The following GPC5 variants were observed in gnomAD, a reference collection of about 807,000 sequenced individuals.
GPC5 encodes glypican 5.
GPC5 carries 47 observed loss-of-function variants against 53.9 expected under a neutral mutation model. The observed-to-expected ratio is 0.87, with a 90% CI of 0.69 to 1.11. The LOEUF (loss-of-function observed/expected upper bound fraction) is 1.11, where lower values mean the gene tolerates loss of function less well. GPC5 is among the 50% of genes most tolerant of loss of function. The pLI is 0.00. For synonymous variants in GPC5, 286 were observed against 263.3 expected (o/e 1.09, Z -0.84); for missense variants, 748 against 713.1 (o/e 1.05, Z -0.56).
intron 5 of GPC5, among the ~76,000 whole-genome samples, chr13:91,789,469 A>G (rs965479335): frequency 2.6e-5 from 4 of 152,180 alleles, no homozygotes; most frequent in Non-Finnish European, 5.9e-5. Context: ...ATTTTTCCAT[A>G]TAATTGGAAC....
chr13:92,647,917 A>G (rs1885826339), intron 7 of GPC5, among the ~76,000 whole-genome samples: 1 of 152,132 alleles, frequency 6.6e-6, no homozygotes, highest in South Asian at 2.1e-4. Context: ...GGAAAACATG[A>G]CAAATCATGT....
intron 2 of GPC5, among the ~76,000 whole-genome samples, chr13:91,603,938 T>C (rs938859106): frequency 6.6e-6 from 1 of 151,210 alleles, no homozygotes; most frequent in African/African-American, 2.4e-5. Flanking sequence ...TTTTTCCTGC[T>C]GTTCTTACTA....
intron 7 of GPC5, among the ~76,000 whole-genome samples, chr13:92,617,029 G>A (rs2139108096): frequency 6.6e-6 from 1 of 152,132 alleles, no homozygotes; most frequent in Admixed American, 6.6e-5. Flanking sequence ...AAATGTTGTG[G>A]GATATTTAAA....
intron 7 of GPC5, among the ~76,000 whole-genome samples, chr13:92,685,183 A>T (rs1444286374): frequency 6.6e-6 from 1 of 151,908 alleles, no homozygotes; most frequent in Non-Finnish European, 1.5e-5. Context: ...CCTCCATCTC[A>T]CGGGTTCAAG....
intron 2 of GPC5, among the ~76,000 whole-genome samples, chr13:91,488,617 A>G (rs1883750347): frequency 6.6e-6 from 1 of 152,124 alleles, no homozygotes. Flanking sequence ...TACCCTTGTG[A>G]TTTTCTATGC....
At position 92,143,389 on chromosome 13, in the gene GPC5, T is replaced by A. The variant is rs188492700; in HGVS notation, c.1402-1441T>A. Among the ~76,000 whole-genome samples the A allele has an allele frequency of 3.1e-4, 47 of 152,252 alleles. No individual in the cohort carries two copies. In the East Asian group the frequency reaches 6.7e-3, roughly 22 times the overall value. On this transcript the variant is annotated intron_variant, in intron 6 of 7. Coordinates refer to ENST00000377067, the MANE Select transcript of GPC5 (RefSeq NM_004466.6). Reference sequence around the variant, plus strand: ...TATCCTTTCCTTTTTAGATTTGACTTTTTATGTGTTTATTTCCTATCTGTG... The same window carrying A: ...TATCCTTTCCTTTTTAGATTTGACTATTTATGTGTTTATTTCCTATCTGTG...
At chr13:91,753,998 T>C (rs1484045523) in intron 4 of GPC5, among the ~76,000 whole-genome samples, 1 of 152,202 alleles carries the variant, frequency 6.6e-6, no homozygotes, top group Non-Finnish European at 1.5e-5. Context: ...CATTTATTAC[T>C]TTTTGACCAA....
chr13:91,692,453 G>C (rs2035776424), intron 2 of GPC5, among the ~76,000 whole-genome samples: 1 of 152,000 alleles, frequency 6.6e-6, no homozygotes, highest in Non-Finnish European at 1.5e-5. Context: ...TTCTGGAAAA[G>C]AAAAAGATTT....
chr13:92,416,522 C>A (rs1876299287), intron 7 of GPC5, among the ~76,000 whole-genome samples: 1 of 152,070 alleles, frequency 6.6e-6, no homozygotes, highest in Non-Finnish European at 1.5e-5. Flanking sequence ...TATCCATACA[C>A]AAAAGGATTA....
chr13:91,846,240 A>C (rs979378891), intron 5 of GPC5, among the ~76,000 whole-genome samples: 1 of 152,094 alleles, frequency 6.6e-6, no homozygotes, highest in African/African-American at 2.4e-5. Context: ...TCTAATATAC[A>C]GTCATATTGA....
intron 6 of GPC5, among the ~76,000 whole-genome samples, chr13:92,120,979 C>T (rs1048239929): frequency 1.8e-4 from 28 of 152,154 alleles, no homozygotes; most frequent in African/African-American, 5.8e-4. Flanking sequence ...AGCAAAGTTT[C>T]TGAAAAGACC....
At chr13:91,662,938 G>T (rs2035019746) in intron 2 of GPC5, among the ~76,000 whole-genome samples, 1 of 152,196 alleles carries the variant, frequency 6.6e-6, no homozygotes, top group Admixed American at 6.5e-5. Context: ...AACAGAGAGA[G>T]ATGGATAAAT....
intron 7 of GPC5, among the ~76,000 whole-genome samples, chr13:92,389,730 T>C (rs904621082): frequency 1.3e-5 from 2 of 152,106 alleles, no homozygotes; most frequent in Non-Finnish European, 2.9e-5. Flanking sequence ...TTGGAACCAC[T>C]AAATATAAAG....
intron 2 of GPC5, among the ~76,000 whole-genome samples, chr13:91,687,682 T>G (rs1356463550): frequency 6.6e-6 from 1 of 152,044 alleles, no homozygotes; most frequent in East Asian, 1.9e-4. Context: ...CTTGATAGAC[T>G]TATTCTGATA....
chr13:92,584,184 G>C (rs1326578261), intron 7 of GPC5, among the ~76,000 whole-genome samples: 1 of 152,190 alleles, frequency 6.6e-6, no homozygotes, highest in Non-Finnish European at 1.5e-5. Flanking sequence ...GGTTGGAACA[G>C]TTTGGAGAGC....
chr13:92,008,845 GTTCAT>G (rs2040634588), intron 6 of GPC5, among the ~76,000 whole-genome samples: 2 of 151,932 alleles, frequency 1.3e-5, no homozygotes, highest in South Asian at 2.1e-4. Flanking sequence ...AGTATGCTCT[GTTCAT>G]TTCATTTTTT....
intron 7 of GPC5, among the ~76,000 whole-genome samples, chr13:92,479,579 A>C (rs1383768208): frequency 6.6e-6 from 1 of 152,204 alleles, no homozygotes; most frequent in East Asian, 1.9e-4. Flanking sequence ...GTACAGCTGC[A>C]GACATAGTTC....
intron 2 of GPC5, among the ~76,000 whole-genome samples, chr13:91,570,145 A>G (rs1282017060): frequency 6.6e-6 from 1 of 152,198 alleles, no homozygotes; most frequent in East Asian, 1.9e-4. Flanking sequence ...GCCATAAACA[A>G]ACTTTTAAAA....
At chr13:92,707,987 T>TC (rs1888008094) in intron 7 of GPC5, among the ~76,000 whole-genome samples, 1 of 152,022 alleles carries the variant, frequency 6.6e-6, no homozygotes, top group East Asian at 1.9e-4. Flanking sequence ...CACCTCAGAC[T>TC]CTAATTAGTT....
Sources: gnomAD v4.1 joint callset for allele counts (sites outside exome capture counted in the v4.1 genomes callset) on GRCh38, gnomAD v4.1.1 for gene constraint, MANE v1.5 for transcripts, NCBI Gene and HGNC (gene_info 2026-07-23, HGNC 2026-07-21) for gene names.